CPEB1: variants seen among roughly 807,000 people sequenced by gnomAD.
CPEB1 encodes cytoplasmic polyadenylation element-binding protein 1.
Under a neutral mutation model 65.8 loss-of-function variants are expected in CPEB1, and 7 were observed. The observed-to-expected ratio is 0.11, with a 90% CI of 0.06 to 0.20. CPEB1 has a LOEUF of 0.20. Among genes scored for constraint, CPEB1 ranks in the 10% least tolerant of loss-of-function variants. CPEB1 has a pLI of 1.00. For missense variants in CPEB1, 551 were observed against 712.2 expected, an observed-to-expected ratio of 0.77 and a Z score of 2.58; for synonymous variants, 262 against 260.0, an observed-to-expected ratio of 1.01 and a Z score of -0.08.
chr15:82,546,366 A>T, intron 12 of CPEB1, 75 bp downstream of exon 12: 1 of 1,209,476 alleles, frequency 8.3e-7, no homozygotes, highest in Non-Finnish European at 1.2e-6. Context: ...AAGTGCTGGG[A>T]TTACAGGTGT....
rs530745868 is a variant in CPEB1 at position 82,624,744 on chromosome 15, A to G, written c.271+2449T>C. 1.1e-4 allele frequency among the ~76,000 whole-genome samples: 17 copies of G among 152,290 alleles called. No individual in the cohort carries two copies. In the South Asian group the frequency reaches 3.5e-3, roughly 32 times the overall value. Reference sequence around the variant, plus strand: ...AGTCCAACACCTAGTATTAGCTGAAAAATATTTTCCTGTAAACTAGAAAAG... The same window carrying G: ...AGTCCAACACCTAGTATTAGCTGAAGAATATTTTCCTGTAAACTAGAAAAG... On this transcript the variant is annotated intron_variant, in intron 3 of 12. Transcript: ENST00000684509.
intron 3 of CPEB1, among the ~76,000 whole-genome samples, chr15:82,602,088 C>A (rs1353757399): frequency 1.3e-5 from 2 of 152,084 alleles, no homozygotes; most frequent in Non-Finnish European, 2.9e-5. Context: ...GAACATTTAA[C>A]AAAGTAGAGC....
At chr15:82,614,941 C>G (rs907437440) in intron 3 of CPEB1, among the ~76,000 whole-genome samples, 4 of 152,024 alleles carry the variant, frequency 2.6e-5, no homozygotes, top group East Asian at 1.9e-4. Flanking sequence ...CCCACACTAT[C>G]ACAATCACTA....
chr15:82,550,149 G>T (rs139319484), intron 9 of CPEB1, among the ~76,000 whole-genome samples: 11 of 152,246 alleles, frequency 7.2e-5, no homozygotes, highest in African/African-American at 2.6e-4. Flanking sequence ...GCCTTCAGAG[G>T]GTTTGTGCCA....
At chr15:82,642,086 T>C (rs1477015847) in intron 1 of CPEB1, among the ~76,000 whole-genome samples, 2 of 152,250 alleles carry the variant, frequency 1.3e-5, no homozygotes, top group Non-Finnish European at 2.9e-5. Context: ...TTTACTATAA[T>C]TGAGAAATGC....
rs2034648705 is a variant in CPEB1, at chr15:82,543,485, GGAAA to G, written c.*1103_*1106del. ...TTAAAAAAAAAAAAAAAAAAAAAAA[GGAAA>G]GAAAAAAAAGTCAAGTTTTCAAATT... On this transcript the variant is annotated 3_prime_UTR_variant, in exon 13 of 13. Transcript: ENST00000684509. The G allele has an allele frequency of 7.8e-6, 1 of 127,582 alleles. No homozygotes were observed. Among genetic ancestry groups the G allele is most frequent in the African/African-American group, 3.1e-5 (1 of 32,508 alleles). The allele number at this position is 127,582 out of a possible 1,614,324, so 7.9% of individuals were successfully genotyped here. A position where few individuals can be genotyped will look rare whatever the true frequency, so the allele number is the denominator to read the frequency against.
At chr15:82,558,887 G>C (rs2037706193) in intron 4 of CPEB1, among the ~76,000 whole-genome samples, 1 of 151,740 alleles carries the variant, frequency 6.6e-6, no homozygotes, top group South Asian at 2.1e-4. Context: ...ATGAGAATAA[G>C]GAATAAGAGG....
chr15:82,606,566 C>G lies in CPEB1; in HGVS notation c.271+20627G>C, dbSNP rs1217303819. 3.4e-5 allele frequency among the ~76,000 whole-genome samples: 4 copies of G among 118,044 alleles called. 1 individual carries two copies. Among genetic ancestry groups the G allele is most frequent in the Non-Finnish European group, 7.2e-5 (4 of 55,854 alleles). The allele number at this position is 118,044 out of a possible 152,430, so 77.4% of individuals were successfully genotyped here. On this transcript the variant is annotated intron_variant, in intron 3 of 12. Transcript: ENST00000684509. ...GGGCGCGGTGGCTCACGCCTGTAAT[C>G]CCAGCACTTTGGGAGGCCGAGGCGG... is the stretch of plus-strand genomic sequence containing the variant.
At chr15:82,558,650 G>C (rs1401889249) in intron 4 of CPEB1, among the ~76,000 whole-genome samples, 2 of 152,188 alleles carry the variant, frequency 1.3e-5, no homozygotes, top group East Asian at 3.9e-4. Context: ...GTGAGCTCTG[G>C]GAAGCTCACT....
At chr15:82,566,780 G>T (rs2039202340) in intron 4 of CPEB1, among the ~76,000 whole-genome samples, 1 of 152,066 alleles carries the variant, frequency 6.6e-6, no homozygotes, top group Non-Finnish European at 1.5e-5. Flanking sequence ...CCTCCTCTCT[G>T]CACTGAAAGC....
At chr15:82,610,380 T>A (rs2044017181) in intron 3 of CPEB1, among the ~76,000 whole-genome samples, 1 of 152,168 alleles carries the variant, frequency 6.6e-6, no homozygotes, top group South Asian at 2.1e-4. Flanking sequence ...ATTTCCCTGA[T>A]ACCAAAATCA....
chr15:82,555,975 T>C lies in CPEB1; in HGVS notation c.835A>G (p.Lys279Glu), dbSNP rs1314110836. Residue 279 changes from lysine (K) to glutamate (E), a missense_variant, in exon 6 of 13, where the codon AAG becomes GAG. Physicochemically the swap from Lys to Glu is moderately conservative, Grantham distance 56 (BLOSUM62 1). Coordinates refer to ENST00000684509, the MANE Select transcript of CPEB1 (RefSeq NM_001365242.1). ...AVTPSPTSASKRWPGASVWPS... is the reference protein window; with the variant it reads ...AVTPSPTSASERWPGASVWPS... ...CACACAGAAGCTCCTGGCCATCTCT[T>C]TGAAGCACTGGTTGGGGAGGGAGTG... 2 of 1,613,632 alleles carry C rather than the reference T, an allele frequency of 1.2e-6. No homozygotes were observed. The highest frequency in any genetic ancestry group is 1.3e-5 in the African/African-American group (1 of 74,858).
chr15:82,571,191 T>C (rs929093555), intron 4 of CPEB1, among the ~76,000 whole-genome samples, 153 bp downstream of exon 4: 2 of 152,190 alleles, frequency 1.3e-5, no homozygotes, highest in African/African-American at 4.8e-5. Flanking sequence ...ACTCACAGCT[T>C]GCATTTCCAT....
At chr15:82,606,505 C>A (rs1401389094) in intron 3 of CPEB1, among the ~76,000 whole-genome samples, 1 of 145,468 alleles carries the variant, frequency 6.9e-6, no homozygotes, top group African/African-American at 2.6e-5. Flanking sequence ...TCAGCACATG[C>A]GCTAAGAAAA....
At chr15:82,614,697 G>A (rs1473073988) in intron 3 of CPEB1, among the ~76,000 whole-genome samples, 1 of 151,772 alleles carries the variant, frequency 6.6e-6, no homozygotes, top group African/African-American at 2.4e-5. Flanking sequence ...CCAATACTGA[G>A]GATTAGAAAT....
At chr15:82,583,070 CTACT>C (rs2041451481) in intron 3 of CPEB1, among the ~76,000 whole-genome samples, 1 of 152,166 alleles carries the variant, frequency 6.6e-6, no homozygotes, top group Non-Finnish European at 1.5e-5. Flanking sequence ...CCACAATCTG[CTACT>C]TATTCAGCAG....
chr15:82,573,045 G>C (rs1355277290), intron 3 of CPEB1: 62 of 1,535,046 alleles, frequency 4.0e-5, no homozygotes, highest in Non-Finnish European at 5.3e-5. Flanking sequence ...CCACCTGCTT[G>C]TTCTCCCCTG....
chr15:82,577,257 C>G (rs1336704505), intron 3 of CPEB1, among the ~76,000 whole-genome samples: 2 of 152,168 alleles, frequency 1.3e-5, no homozygotes, highest in Non-Finnish European at 2.9e-5. Flanking sequence ...CAGAGTCTCA[C>G]TATGTTGGCC....
At chr15:82,573,232 AG>A in intron 3 of CPEB1, 1 of 1,346,194 alleles carries the variant, frequency 7.4e-7, no homozygotes, top group Non-Finnish European at 9.8e-7. Context: ...CTTCCTTTGG[AG>A]ATTTTTTTTT....
Sources: allele counts gnomAD v4.1 joint callset (sites outside exome capture counted in the v4.1 genomes callset), GRCh38; gene constraint gnomAD v4.1.1; transcripts MANE v1.5; gene names NCBI Gene and HGNC (gene_info 2026-07-23, HGNC 2026-07-21).